The following XDH variants were observed in gnomAD, a reference collection of about 807,000 sequenced individuals.
XDH encodes the protein xanthine dehydrogenase/oxidase.
XDH carries 138 observed loss-of-function variants against 156.1 expected under a neutral mutation model. The ratio of observed to expected loss-of-function variants is 0.88; its 90% CI spans 0.77 to 1.02. The LOEUF (loss-of-function observed/expected upper bound fraction) is 1.02. Ranked by LOEUF, XDH falls within the 50% of genes least tolerant of loss-of-function variation. The probability of loss-of-function intolerance (pLI) is 0.00; values close to 1 mark genes in which losing one functional copy is unlikely to be tolerated. For synonymous variants in XDH, 669 were observed against 625.7 expected, an observed-to-expected ratio of 1.07 and a Z score of -1.03; for missense variants, 1,849 against 1,684.9, an observed-to-expected ratio of 1.10 and a Z score of -1.71.
intron 24 of XDH, among the ~76,000 whole-genome samples, chr2:31,352,770 A>G (rs1685517961): frequency 6.6e-6 from 1 of 152,112 alleles, no homozygotes; most frequent in African/African-American, 2.4e-5. Flanking sequence ...AACAATTTTA[A>G]CCCTAGATCT....
At chr2:31,386,954 G>C in intron 8 of XDH, among the ~76,000 whole-genome samples, 1 of 119,256 alleles carries the variant, frequency 8.4e-6, no homozygotes, top group Admixed American at 8.8e-5. Flanking sequence ...GAGGGAGGGA[G>C]GGAGGGAGAG....
rs763501615 is a variant in XDH at position 31,379,902 on chromosome 2, T to A, written c.1207A>T (p.Ile403Leu). The A allele has an allele frequency of 1.2e-6, 2 of 1,614,008 alleles. No individual in the cohort carries two copies. Among genetic ancestry groups the A allele is most frequent in the Non-Finnish European group, 1.7e-6 (2 of 1,180,024 alleles). The change falls in exon 13 of 36, where the codon ATA (isoleucine) becomes TTA (leucine). Residue 403 changes from isoleucine to leucine, a missense_variant. Coordinates refer to ENST00000379416, the MANE Select transcript of XDH (RefSeq NM_000379.4). Reference sequence around the variant, plus strand: ...TAGGGGATCTCTATGGAGAGCAGTATCTCCTCCGGGCTCAGCAGGGTCTTT... The same window carrying A: ...TAGGGGATCTCTATGGAGAGCAGTAACTCCTCCGGGCTCAGCAGGGTCTTT... The part of the protein sequence containing the change: ...YRKTLLSPEE[I>L]LLSIEIPYSR...
chr2:31,374,790 C>G (rs1322842216), intron 15 of XDH, among the ~76,000 whole-genome samples: 1 of 152,050 alleles, frequency 6.6e-6, no homozygotes, highest in Non-Finnish European at 1.5e-5. Context: ...GAGCTGCCCC[C>G]TAGCACCTCA....
At chr2:31,368,723 GGATTGTTCAAAAAGCCAAAA>G (rs1685991014) in intron 18 of XDH, 63 bp from the exon 19 acceptor site, 1 of 1,613,598 alleles carries the variant, frequency 6.2e-7, no homozygotes. Context: ...AATTATTTTT[GGATTGTTCAAAAAGCCAAAA>G]GAAGTCCCTG....
intron 33 of XDH, 97 bp from the exon 34 acceptor site, chr2:31,339,774 G>C: frequency 6.7e-7 from 1 of 1,490,402 alleles, no homozygotes; most frequent in South Asian, 1.2e-5. Context: ...ACTGCAGCGC[G>C]GCCTGGAATG....
chr2:31,352,260 C>A (rs549523656), intron 24 of XDH, among the ~76,000 whole-genome samples: 171 of 152,202 alleles, frequency 1.1e-3, no homozygotes, highest in Non-Finnish European at 2.0e-3. Flanking sequence ...CATTTTTATT[C>A]TTTGACTGCT....
In XDH at chr2:31,377,427, C is replaced by T. The variant is rs561904004; in HGVS notation, c.1243-190G>A. On this transcript the variant is annotated intron_variant, in intron 13 of 35. Transcript: ENST00000379416. ...CCTGTTTAGGAGAGGTTCCAGATAA[C>T]ATTCCCAGAAGCTGAAAAAAAAAAC... Among the ~76,000 whole-genome samples, 26 of 152,080 alleles carry T rather than the reference C, an allele frequency of 1.7e-4. No individual in the cohort carries two copies. In the East Asian group the frequency reaches 5.0e-3, roughly 29 times the overall value.
intron 34 of XDH, among the ~76,000 whole-genome samples, chr2:31,338,714 CTTTTTTTTTTT>C (rs57389753): frequency 1.6e-5 from 1 of 62,172 alleles, no homozygotes; most frequent in East Asian, 5.9e-4. Flanking sequence ...CTGACCAAGT[CTTTTTTTTTTT>C]TTTTTTTTTT....
chr2:31,350,250 G>A (rs764965762), intron 24 of XDH, 27 bp from the exon 25 acceptor site: 33 of 1,612,132 alleles, frequency 2.0e-5, no homozygotes, highest in Non-Finnish European at 2.6e-5. Flanking sequence ...AAAAATGGGA[G>A]AGAACAGTGT....
At chr2:31,396,940 G>C (rs927194499) in intron 6 of XDH, among the ~76,000 whole-genome samples, 64 of 152,302 alleles carry the variant, frequency 4.2e-4, no homozygotes, top group African/African-American at 1.4e-3. Flanking sequence ...TGAGTGGAAA[G>C]CACAGGAGTC....
Position 31,335,260 on chromosome 2 carries a change from G to C in XDH, c.*698C>G, listed in dbSNP as rs1684943695. 1 of 153,422 alleles carries C rather than the reference G, an allele frequency of 6.5e-6. No homozygotes were observed. Among genetic ancestry groups the C allele is most frequent in the Non-Finnish European group, 1.5e-5 (1 of 68,930 alleles). The allele number at this position is 153,422 out of a possible 1,614,324, so 9.5% of individuals were successfully genotyped here. A position where few individuals can be genotyped will look rare whatever the true frequency, so the allele number is the denominator to read the frequency against. ...TTTGTAAATACTCAAAGAGTATTTG[G>C]AATACAAATATTCTCTTCAAAGAGG... On this transcript the variant is annotated 3_prime_UTR_variant, in exon 36 of 36. Transcript: ENST00000379416.
intron 6 of XDH, among the ~76,000 whole-genome samples, chr2:31,391,667 T>C (rs1296751594): frequency 1.3e-5 from 2 of 152,254 alleles, no homozygotes; most frequent in East Asian, 3.8e-4. Flanking sequence ...TTTGATTTTG[T>C]TCATCAGAGT....
chr2:31,378,175 GAAGCAAGCAAGCAAGC>G (rs150555652), intron 13 of XDH, among the ~76,000 whole-genome samples: 1 of 71,536 alleles, frequency 1.4e-5, no homozygotes, highest in South Asian at 5.6e-4. Flanking sequence ...AGGAAGGAAG[GAAGCAAGCAAGCAAGC>G]AAAGCAAGAA....
rs933993885 is a variant in XDH at position 31,414,609 on chromosome 2, G to T, written c.42+16C>A. 3 of 1,613,898 alleles carry T rather than the reference G, an allele frequency of 1.9e-6. No individual in the cohort carries two copies. The highest frequency in any genetic ancestry group is 2.5e-6 in the Non-Finnish European group (3 of 1,179,982). On this transcript the variant is annotated intron_variant, in intron 1 of 35. Transcript: ENST00000379416. The stretch of plus-strand genomic sequence containing the variant: ...AGGGAGAAGGGACACAAAACCAAAG[G>T]TCAGCTCCTACTTACCTTTCTGCCA...
chr2:31,401,540 C>T (rs1558315455), intron 3 of XDH, among the ~76,000 whole-genome samples: 1 of 152,294 alleles, frequency 6.6e-6, no homozygotes, highest in East Asian at 1.9e-4. Context: ...AAGCTGAGCC[C>T]CTCCAGAGTA....
chr2:31,406,322 A>G (rs1572572537), intron 1 of XDH, among the ~76,000 whole-genome samples: 1 of 152,156 alleles, frequency 6.6e-6, no homozygotes, highest in Admixed American at 6.5e-5. Context: ...GCCTTCTGCC[A>G]TGAGTAAAAA....
At chr2:31,367,227 A>C (rs910636416) in intron 20 of XDH, among the ~76,000 whole-genome samples, 1 of 152,234 alleles carries the variant, frequency 6.6e-6, no homozygotes, top group African/African-American at 2.4e-5. Flanking sequence ...ACGACACTGA[A>C]ATGCATCCAG....
intron 35 of XDH, 39 bp from the exon 36 acceptor site, chr2:31,336,047 C>T: frequency 1.2e-6 from 2 of 1,607,180 alleles, no homozygotes; most frequent in East Asian, 4.5e-5. Flanking sequence ...CCAGGGTCTG[C>T]TGATCATGCT....
chr2:31,348,987 A>G lies in XDH; in HGVS notation c.2970-7T>C, dbSNP rs551379215. 2 of 1,611,764 alleles carry G rather than the reference A, an allele frequency of 1.2e-6. No individual in the cohort carries two copies. The highest frequency in any genetic ancestry group is 4.5e-5 in the East Asian group (2 of 44,864). On this transcript the variant is annotated splice_polypyrimidine_tract_variant and splice_region_variant and intron_variant, in intron 26 of 35. Coordinates refer to ENST00000379416, the MANE Select transcript of XDH (RefSeq NM_000379.4). ...CTTTTTCCAACAATTCTCCCTAGAG[A>G]AAAAGGAATATTCTTATAGAACCTT...
Sources: allele counts gnomAD v4.1 joint callset (sites outside exome capture counted in the v4.1 genomes callset), GRCh38; gene constraint gnomAD v4.1.1; transcripts MANE v1.5; gene names NCBI Gene and HGNC (gene_info 2026-07-23, HGNC 2026-07-21).